DLGAP2: variants seen among roughly 807,000 people sequenced by gnomAD.
DLGAP2 encodes the protein disks large-associated protein 2.
A neutral mutation model predicts 100.3 loss-of-function variants in DLGAP2; 26 were observed. That is an observed-to-expected ratio of 0.26 (90% CI 0.19 to 0.36). DLGAP2 has a LOEUF of 0.36. DLGAP2 is among the 10% of genes least tolerant of loss of function. The probability of loss-of-function intolerance (pLI) is 1.00; values close to 1 mark genes in which losing one functional copy is unlikely to be tolerated. For synonymous variants in DLGAP2, 886 were observed against 630.1 expected (o/e 1.41, Z -6.08); for missense variants, 1,858 against 1,453.2 (o/e 1.28, Z -4.53).
intron 2 of DLGAP2, among the ~76,000 whole-genome samples, chr8:1,243,796 A>G (rs1305401631): frequency 6.6e-6 from 1 of 152,076 alleles, no homozygotes; most frequent in Non-Finnish European, 1.5e-5. Flanking sequence ...CCCTGCCACC[A>G]TTGAAACCTT....
chr8:1,519,446 A>T (rs1449091786), intron 4 of DLGAP2, among the ~76,000 whole-genome samples: 1 of 152,202 alleles, frequency 6.6e-6, no homozygotes, highest in African/African-American at 2.4e-5. Context: ...TCAAGGTTGG[A>T]TCCATCAGAA....
At chr8:1,434,663 A>T (rs752721014) in intron 3 of DLGAP2, among the ~76,000 whole-genome samples, 1 of 152,012 alleles carries the variant, frequency 6.6e-6, no homozygotes, top group Admixed American at 6.5e-5. Context: ...TTTAGTAGAG[A>T]TGGGGTGTCA....
intron 2 of DLGAP2, among the ~76,000 whole-genome samples, chr8:1,018,481 C>G (rs901938770): frequency 3.9e-5 from 6 of 152,222 alleles, no homozygotes; most frequent in Admixed American, 2.0e-4. Flanking sequence ...CAGGCTCAGC[C>G]AGGCCTGCCC....
At chr8:760,333 G>C (rs1425947946) in intron 1 of DLGAP2, among the ~76,000 whole-genome samples, 1 of 152,128 alleles carries the variant, frequency 6.6e-6, no homozygotes, top group Non-Finnish European at 1.5e-5. Context: ...CCTGAATGCA[G>C]CCCTGTCCTT....
chr8:748,285 A>G (rs1200233426), intron 1 of DLGAP2, among the ~76,000 whole-genome samples: 1 of 127,428 alleles, frequency 7.8e-6, no homozygotes, highest in Non-Finnish European at 1.7e-5. Flanking sequence ...GGATGGGTGG[A>G]CTCTGGTGGT....
intron 3 of DLGAP2, among the ~76,000 whole-genome samples, chr8:1,439,488 G>T (rs28428957): frequency 0.2 from 31,022 of 152,120 alleles, 3,480 homozygotes; most frequent in East Asian, 0.33. Context: ...AGGGCTCCAG[G>T]GCTCAGCCCT....
intron 3 of DLGAP2, among the ~76,000 whole-genome samples, chr8:1,391,751 A>G (rs918871947): frequency 1.3e-5 from 2 of 152,144 alleles, no homozygotes; most frequent in Admixed American, 6.5e-5. Flanking sequence ...CAAATAATTT[A>G]TTTTTCCTAG....
chr8:1,345,623 G>A (rs6558456), intron 3 of DLGAP2, among the ~76,000 whole-genome samples: 55,940 of 152,082 alleles, frequency 0.37, 10,757 homozygotes, highest in East Asian at 0.49. Context: ...GTGTTAACAC[G>A]TCTGATCAGT....
chr8:1,636,550 G>A (rs1052193196), intron 8 of DLGAP2, among the ~76,000 whole-genome samples: 43 of 152,096 alleles, frequency 2.8e-4, no homozygotes, highest in African/African-American at 1.0e-3. Context: ...TTACTTCTTT[G>A]CTGACCTTCC....
At chr8:1,582,313 TAAA>T (rs200930388) in intron 6 of DLGAP2, among the ~76,000 whole-genome samples, 10 of 96,802 alleles carry the variant, frequency 1.0e-4, no homozygotes, top group African/African-American at 3.3e-4. Context: ...GATAAAACCT[TAAA>T]AAAAAAAAAA....
chr8:1,063,391 C>G (rs1803147746), intron 2 of DLGAP2, among the ~76,000 whole-genome samples: 1 of 152,180 alleles, frequency 6.6e-6, no homozygotes. Context: ...CGGGGTTGTA[C>G]CGTCCACAAA....
At chr8:1,391,033 A>G (rs1304407568) in intron 3 of DLGAP2, among the ~76,000 whole-genome samples, 1 of 152,230 alleles carries the variant, frequency 6.6e-6, no homozygotes, top group Non-Finnish European at 1.5e-5. Flanking sequence ...CATCTGGAAC[A>G]CGTGCCTTGG....
Position 856,185 on chromosome 8 carries a change from C to CTTCTTCTTCTTCT in DLGAP2, c.19-51725_19-51724insCTTCTTCTTCTTT, listed in dbSNP as rs777874707. Among the ~76,000 whole-genome samples, 877 of 130,544 alleles carry CTTCTTCTTCTTCT rather than the reference C, an allele frequency of 6.7e-3. 8 individuals carry two copies. The highest frequency in any genetic ancestry group is 0.018 in the African/African-American group (645 of 35,160). 85.6% of individuals were successfully genotyped at this position (130,544 alleles called of 152,430 possible). On this transcript the variant is annotated intron_variant, in intron 1 of 14. Transcript: ENST00000637795. ...TTAGTGGAAAAATCTTCTTCTTCTT[C>CTTCTTCTTCTTCT]TTTTTTTTTTTTTTTTTTTTGAGAT... is the stretch of plus-strand genomic sequence containing the variant.
At chr8:1,450,552 G>T (rs1563156888) in intron 3 of DLGAP2, among the ~76,000 whole-genome samples, 1 of 152,048 alleles carries the variant, frequency 6.6e-6, no homozygotes, top group Non-Finnish European at 1.5e-5. Context: ...GGCACTGCGG[G>T]GCTGGCAGGA....
chr8:1,138,535 G>C (rs1471652799), intron 2 of DLGAP2, among the ~76,000 whole-genome samples: 1 of 152,230 alleles, frequency 6.6e-6, no homozygotes, highest in African/African-American at 2.4e-5. Context: ...GGGCTGGCAA[G>C]CAGAGAGGGA....
intron 2 of DLGAP2, among the ~76,000 whole-genome samples, chr8:1,125,532 A>T (rs927249800): frequency 6.6e-6 from 1 of 152,222 alleles, no homozygotes; most frequent in Non-Finnish European, 1.5e-5. Flanking sequence ...ATGCAGATGA[A>T]AACAACTCAA....
chr8:1,267,160 A>G (rs1451316276), intron 3 of DLGAP2, among the ~76,000 whole-genome samples: 2 of 151,874 alleles, frequency 1.3e-5, no homozygotes, highest in Non-Finnish European at 2.9e-5. Context: ...TGAACCAGGG[A>G]GGCGGAGCTT....
chr8:1,345,854 G>A (rs192733302), intron 3 of DLGAP2, among the ~76,000 whole-genome samples: 2 of 152,332 alleles, frequency 1.3e-5, no homozygotes, highest in Admixed American at 1.3e-4. Flanking sequence ...AGAGTGCACT[G>A]CTTGTCATTA....
At chr8:981,253 C>G (rs377086052) in intron 2 of DLGAP2, among the ~76,000 whole-genome samples, 7 of 152,108 alleles carry the variant, frequency 4.6e-5, no homozygotes, top group Admixed American at 1.3e-4. Context: ...ATCAGAATAC[C>G]GTTGCTTTCT....
Sources: gnomAD v4.1 joint callset for allele counts (sites outside exome capture counted in the v4.1 genomes callset) on GRCh38, gnomAD v4.1.1 for gene constraint, MANE v1.5 for transcripts, NCBI Gene and HGNC (gene_info 2026-07-23, HGNC 2026-07-21) for gene names.